The following DNAI3 variants were observed in gnomAD, a reference collection of about 807,000 sequenced individuals.
DNAI3 encodes the protein dynein axonemal intermediate chain 3.
DNAI3 carries 83 observed loss-of-function variants against 115.5 expected under a neutral mutation model. The ratio of observed to expected loss-of-function variants is 0.72; its 90% CI spans 0.60 to 0.86. DNAI3 has a LOEUF of 0.86. DNAI3 is among the 40% of genes least tolerant of loss of function. The pLI is 0.00. For synonymous variants in DNAI3, 320 were observed against 347.0 expected (o/e 0.92, Z 0.86); for missense variants, 1,004 against 1,075.8 (o/e 0.93, Z 0.93).
chr1:85,095,689 G>C (rs1269148332), intron 10 of DNAI3, among the ~76,000 whole-genome samples: 1 of 152,168 alleles, frequency 6.6e-6, no homozygotes, highest in African/African-American at 2.4e-5. Flanking sequence ...CTGAGGGGTG[G>C]GTTGGGGAAT....
At chr1:85,085,142 C>A (rs545235325) in intron 6 of DNAI3, among the ~76,000 whole-genome samples, 1 of 152,226 alleles carries the variant, frequency 6.6e-6, no homozygotes, top group South Asian at 2.1e-4. Flanking sequence ...CTGGCTGTCA[C>A]CAGAAGTCAG....
chr1:85,125,945 T>C (rs1656121792), intron 19 of DNAI3, among the ~76,000 whole-genome samples: 1 of 152,212 alleles, frequency 6.6e-6, no homozygotes, highest in African/African-American at 2.4e-5. Context: ...GCATGATGCT[T>C]TGATGGTCTA....
intron 1 of DNAI3, among the ~76,000 whole-genome samples, chr1:85,070,232 G>A (rs936868291): frequency 3.9e-5 from 6 of 152,150 alleles, no homozygotes; most frequent in African/African-American, 1.4e-4. Context: ...CTGCACTCCA[G>A]CCTGGGCAAC....
chr1:85,122,658 C>G (rs1293863248), intron 18 of DNAI3, among the ~76,000 whole-genome samples: 1 of 152,188 alleles, frequency 6.6e-6, no homozygotes. Flanking sequence ...GGTAGAGCAG[C>G]TGGATTCTTT....
rs775890680 is a variant in DNAI3 at position 85,093,553 on chromosome 1, C to A, written c.953C>A (p.Thr318Asn). Residue 318 changes from threonine to asparagine, a missense_variant, in exon 9 of 23, where the codon ACC becomes AAC. Thr to Asn is a moderately conservative substitution (Grantham distance 65). This residue lies in a region of DNAI3 where 550 missense variants were observed against 568.1 expected (regional missense o/e 0.97). Coordinates refer to ENST00000294664, the MANE Select transcript of DNAI3 (RefSeq NM_145172.5). ...GAAGAAGGCACCTTTGGGGACAAGA[C>A]CGATACCCACCTGAAAGAGTACCAG... Reference protein sequence around the residue: ...AEEEGTFGDKTDTHLKEYQSF... With the variant: ...AEEEGTFGDKNDTHLKEYQSF... 2 of 1,614,172 alleles carry A rather than the reference C, an allele frequency of 1.2e-6. No homozygotes were observed. Among genetic ancestry groups the A allele is most frequent in the Non-Finnish European group, 1.7e-6 (2 of 1,180,040 alleles).
chr1:85,122,945 A>G (rs1342437791), intron 18 of DNAI3, among the ~76,000 whole-genome samples: 1 of 152,068 alleles, frequency 6.6e-6, no homozygotes, highest in Admixed American at 6.5e-5. Flanking sequence ...GAGTAAAGAG[A>G]CCAGAGAAGC....
intron 18 of DNAI3, 73 bp downstream of exon 18, chr1:85,121,887 A>G (rs1656003915): frequency 6.6e-7 from 1 of 1,514,980 alleles, no homozygotes; most frequent in Admixed American, 1.7e-5. Context: ...AATCTCATGC[A>G]GTACAGAGTC....
chr1:85,121,001 C>T (rs1655978928), intron 17 of DNAI3, among the ~76,000 whole-genome samples: 2 of 152,212 alleles, frequency 1.3e-5, no homozygotes, highest in Non-Finnish European at 1.5e-5. Flanking sequence ...TTTCTCTTCT[C>T]ATCCAGTGAA....
chr1:85,115,761 C>A (rs923626769), intron 16 of DNAI3, among the ~76,000 whole-genome samples: 2 of 152,122 alleles, frequency 1.3e-5, no homozygotes, highest in Non-Finnish European at 2.9e-5. Context: ...CAACCTAGAT[C>A]CCTTGAATGT....
At chr1:85,119,719 A>G (rs1338382671) in intron 17 of DNAI3, among the ~76,000 whole-genome samples, 1 of 149,654 alleles carries the variant, frequency 6.7e-6, no homozygotes, top group East Asian at 2.0e-4. Flanking sequence ...TTTTTTTGAG[A>G]TGGAATCTCA....
intron 1 of DNAI3, among the ~76,000 whole-genome samples, chr1:85,066,815 T>G (rs897768270): frequency 6.6e-6 from 1 of 152,316 alleles, no homozygotes; most frequent in Non-Finnish European, 1.5e-5. Flanking sequence ...TTCAATTAAT[T>G]TTATGAAAAA....
chr1:85,108,022 A>AT lies in DNAI3; in HGVS notation c.1554-3dup. 4 of 1,504,892 alleles carry AT rather than the reference A, an allele frequency of 2.7e-6. No individual in the cohort carries two copies. The highest frequency in any genetic ancestry group is 1.4e-5 in the African/African-American group (1 of 70,460). 93.2% of individuals were successfully genotyped at this position (1,504,892 alleles called of 1,614,324 possible). Reference sequence around the variant, plus strand: ...TGTACTTAATAAAAAATATATATAAATTTTTTTTAGCACAATATGTTTTTG... The same window carrying AT: ...TGTACTTAATAAAAAATATATATAAATTTTTTTTTAGCACAATATGTTTTTG... On this transcript the variant is annotated splice_polypyrimidine_tract_variant and intron_variant, in intron 14 of 22. Transcript: ENST00000294664.
intron 2 of DNAI3, among the ~76,000 whole-genome samples, 183 bp from the exon 3 acceptor site, chr1:85,072,871 C>CCTCAGCAGGAGAATCTTG (rs1557706292): frequency 7.0e-6 from 1 of 143,064 alleles, no homozygotes; most frequent in Non-Finnish European, 1.5e-5. Context: ...AGGAGAATGG[C>CCTCAGCAGGAGAATCTTG]GTGAACCCAG....
At chr1:85,100,991 G>A (rs1655288883) in intron 13 of DNAI3, among the ~76,000 whole-genome samples, 2 of 151,596 alleles carry the variant, frequency 1.3e-5, no homozygotes, top group South Asian at 2.1e-4. Flanking sequence ...GGGGAGGAGG[G>A]GGGATAGCAT....
intron 14 of DNAI3, among the ~76,000 whole-genome samples, chr1:85,107,352 G>T (rs2100596450): frequency 6.6e-6 from 1 of 152,250 alleles, no homozygotes; most frequent in South Asian, 2.1e-4. Context: ...ATGTACTGAT[G>T]AGTGGATACA....
chr1:85,083,290 G>A (rs931020507), intron 5 of DNAI3, among the ~76,000 whole-genome samples: 4 of 152,096 alleles, frequency 2.6e-5, no homozygotes, highest in Admixed American at 6.6e-5. Context: ...AGTTCCAGAT[G>A]AGCCTGGGTA....
chr1:85,093,266 T>G (rs1655032721), intron 8 of DNAI3, among the ~76,000 whole-genome samples, 192 bp from the exon 9 acceptor site: 1 of 152,220 alleles, frequency 6.6e-6, no homozygotes, highest in African/African-American at 2.4e-5. Flanking sequence ...AGGTTCTGAG[T>G]AACATGCCAC....
chr1:85,103,925 AATAAT>A (rs1381266557), intron 13 of DNAI3, among the ~76,000 whole-genome samples: 1 of 119,662 alleles, frequency 8.4e-6, no homozygotes, highest in East Asian at 2.7e-4. Flanking sequence ...TAATAATAAT[AATAAT>A]AATTTATGAA....
At position 85,108,731 on chromosome 1, in the gene DNAI3, T is replaced by C. The variant is rs75124334; in HGVS notation, c.1698+554T>C. On this transcript the variant is annotated intron_variant, in intron 15 of 22. Transcript: ENST00000294664. ...GAACCCATCACCCAGGTAGTGAACA[T>C]AGTACCCAATAGGTGGTTTTTCAAC... is the stretch of plus-strand genomic sequence containing the variant. 6.0e-4 allele frequency among the ~76,000 whole-genome samples: 91 copies of C among 152,302 alleles called. 1 individual carries two copies. In the East Asian group the frequency reaches 0.015, roughly 26 times the overall value.
Sources: gnomAD v4.1 joint callset for allele counts (sites outside exome capture counted in the v4.1 genomes callset) on GRCh38, gnomAD v4.1.1 for gene constraint, gnomAD v4.1.1 regional missense constraint, MANE v1.5 for transcripts, NCBI Gene and HGNC (gene_info 2026-07-23, HGNC 2026-07-21) for gene names.